The following COL4A2 variants were observed in gnomAD, a reference collection of about 807,000 sequenced individuals.
The protein encoded by COL4A2 is collagen alpha-2(IV) chain.
Under a neutral mutation model 200.2 loss-of-function variants are expected in COL4A2, and 99 were observed. The observed-to-expected ratio is 0.49, with a 90% confidence interval of 0.42 to 0.58. COL4A2 has a LOEUF of 0.58. COL4A2 is among the 20% of genes least tolerant of loss of function. The pLI is 0.00. For missense variants in COL4A2, 1,950 were observed against 2,314.1 expected, an observed-to-expected ratio of 0.84 and a Z score of 3.23; for synonymous variants, 897 against 900.6, an observed-to-expected ratio of 1.00 and a Z score of 0.07.
intron 20 of COL4A2, among the ~76,000 whole-genome samples, chr13:110,455,362 C>T (rs1186080082): frequency 6.6e-6 from 1 of 152,134 alleles, no homozygotes; most frequent in East Asian, 1.9e-4. Flanking sequence ...CCTCCCGCTC[C>T]CCACTTCAGG....
At position 110,318,184 on chromosome 13, in the gene COL4A2, G is replaced by A. The variant is rs557315374; in HGVS notation, c.99+10061G>A. 5.9e-5 allele frequency among the ~76,000 whole-genome samples: 9 copies of A among 152,234 alleles called. No homozygotes were observed. In the South Asian group the frequency reaches 8.3e-4, roughly 14 times the overall value. On this transcript the variant is annotated intron_variant, in intron 3 of 47. Coordinates refer to ENST00000360467, the MANE Select transcript of COL4A2 (RefSeq NM_001846.4). ...CCAGGGTCTCATGTATGTGACATTC[G>A]TTCATTAAATGAACATGTCTGATGC...
At chr13:110,467,143 T>C in intron 27 of COL4A2, 47 bp downstream of exon 27, 1 of 1,611,454 alleles carries the variant, frequency 6.2e-7, no homozygotes, top group Non-Finnish European at 8.5e-7. Context: ...TCCTCCCACA[T>C]CTTCACACTG....
At chr13:110,402,257 A>G (rs749774589) in intron 4 of COL4A2, among the ~76,000 whole-genome samples, 1 of 152,230 alleles carries the variant, frequency 6.6e-6, no homozygotes, top group African/African-American at 2.4e-5. Flanking sequence ...GTATGAGCCT[A>G]TGAAATCAAA....
At position 110,503,450 on chromosome 13, in the gene COL4A2, C is replaced by A. The variant is rs748370616; in HGVS notation, c.4107C>A (p.Pro1369=). 1 of 1,573,160 alleles carries A rather than the reference C, an allele frequency of 6.4e-7. No individual in the cohort carries two copies. Among genetic ancestry groups the A allele is most frequent in the East Asian group, 2.3e-5 (1 of 42,984 alleles). Residue 1369 remains proline (P), a synonymous_variant, in exon 43 of 48, where the codon CCC becomes CCA. Coordinates refer to ENST00000360467, the MANE Select transcript of COL4A2 (RefSeq NM_001846.4). The part of the protein sequence containing the change: ...GPTGAVGDRG[P]KGPKGDPGFP... ...CTGGGGCGGTGGGCGACAGAGGCCC[C>A]AAGGGACCCAAGGGAGACCCAGGAT...
intron 24 of COL4A2, among the ~76,000 whole-genome samples, chr13:110,463,496 G>T (rs1188673759): frequency 2.6e-5 from 4 of 152,178 alleles, no homozygotes; most frequent in African/African-American, 4.8e-5. Flanking sequence ...CCTCACGCCT[G>T]AATTCTATTC....
chr13:110,323,358 G>T (rs1885324958), intron 3 of COL4A2, among the ~76,000 whole-genome samples: 1 of 152,220 alleles, frequency 6.6e-6, no homozygotes, highest in Admixed American at 6.5e-5. Context: ...TCCACAGGCA[G>T]TTCCTTGCCT....
At chr13:110,472,891 T>G (rs1341485852) in intron 28 of COL4A2, 38 bp from the exon 29 acceptor site, 1 of 1,535,346 alleles carries the variant, frequency 6.5e-7, no homozygotes, top group Non-Finnish European at 8.8e-7. Flanking sequence ...GTCACCATGC[T>G]AACTTGTGGT....
chr13:110,458,534 T>C (rs1250907883), intron 21 of COL4A2, among the ~76,000 whole-genome samples: 2 of 152,204 alleles, frequency 1.3e-5, no homozygotes, highest in African/African-American at 2.4e-5. Flanking sequence ...TAAGTATCTT[T>C]AGTAAACATC....
In COL4A2 at chr13:110,512,199, C is replaced by T. The variant is rs201351699; in HGVS notation, c.*8C>T. On this transcript the variant is annotated 3_prime_UTR_variant, in exon 48 of 48. Coordinates refer to ENST00000360467, the MANE Select transcript of COL4A2 (RefSeq NM_001846.4). ...TGCATGAAGAACCTGTGAGCCGGCG[C>T]GTGCCAGGAAGGGCCATTTTGGTGC... 5.2e-5 allele frequency: 83 copies of T among 1,607,650 alleles called. No homozygotes were observed. Among genetic ancestry groups the T allele is most frequent in the Middle Eastern group, 1.7e-4 (1 of 6,040 alleles).
intron 47 of COL4A2, among the ~76,000 whole-genome samples, chr13:110,509,268 TATACAC>T (rs1298862674): frequency 8.6e-4 from 104 of 120,582 alleles, no homozygotes; most frequent in Non-Finnish European, 1.3e-3. Flanking sequence ...TATATATATA[TATACAC>T]ACACACACAC....
At chr13:110,326,695 T>C (rs1172802898) in intron 3 of COL4A2, among the ~76,000 whole-genome samples, 1 of 152,174 alleles carries the variant, frequency 6.6e-6, no homozygotes, top group Non-Finnish European at 1.5e-5. Flanking sequence ...CCTGTCTGGC[T>C]GCCTCATCAG....
chr13:110,463,998 G>A (rs1389548720), intron 24 of COL4A2, among the ~76,000 whole-genome samples: 1 of 152,224 alleles, frequency 6.6e-6, no homozygotes, highest in Non-Finnish European at 1.5e-5. Flanking sequence ...GATGATTCCT[G>A]TGGTTGGAAC....
intron 3 of COL4A2, among the ~76,000 whole-genome samples, chr13:110,321,588 T>C (rs1243759002): frequency 6.6e-6 from 1 of 152,218 alleles, no homozygotes; most frequent in African/African-American, 2.4e-5. Flanking sequence ...TGTTTGTCCT[T>C]TTGTGACTGG....
At chr13:110,338,774 T>C (rs970202081) in intron 3 of COL4A2, among the ~76,000 whole-genome samples, 1 of 152,248 alleles carries the variant, frequency 6.6e-6, no homozygotes, top group African/African-American at 2.4e-5. Context: ...AAAAAATGTC[T>C]GGCTGCTCTT....
rs1884799445 is a variant in COL4A2, at chr13:110,307,351, A to G, written c.-222A>G. ...CGCACTCAAGAGGCTCCCGCGTCCC[A>G]ACCCCTCGCGCCCGCGCGTTCGCGG... is the stretch of plus-strand genomic sequence containing the variant. On this transcript the variant is annotated 5_prime_UTR_variant, in exon 1 of 48. Coordinates refer to ENST00000360467, the MANE Select transcript of COL4A2 (RefSeq NM_001846.4). The surrounding 1 kb of genome is among the most constrained non-coding windows in gnomAD (Gnocchi z 5.0). 1 of 277,954 alleles carries G rather than the reference A, an allele frequency of 3.6e-6. No individual in the cohort carries two copies. Among genetic ancestry groups the G allele is most frequent in the South Asian group, 1.4e-4 (1 of 7,150 alleles). 17.2% of individuals were successfully genotyped at this position (277,954 alleles called of 1,614,324 possible). A position where few individuals can be genotyped will look rare whatever the true frequency, so the allele number is the denominator to read the frequency against.
intron 3 of COL4A2, among the ~76,000 whole-genome samples, chr13:110,324,823 A>C (rs1372860469): frequency 2.0e-5 from 3 of 152,240 alleles, no homozygotes; most frequent in African/African-American, 7.2e-5. Context: ...GCCAATCTTT[A>C]AAACGTGGTG....
At chr13:110,509,337 AAAC>A (rs1196095225) in intron 47 of COL4A2, among the ~76,000 whole-genome samples, 2 of 150,284 alleles carry the variant, frequency 1.3e-5, no homozygotes, top group Non-Finnish European at 3.0e-5. Context: ...TAATCTTTCA[AAAC>A]AACAGGAAAA....
intron 24 of COL4A2, among the ~76,000 whole-genome samples, chr13:110,463,492 G>A (rs368846597): frequency 1.1e-4 from 16 of 152,268 alleles, no homozygotes; most frequent in East Asian, 3.9e-4. Context: ...AGAGCCTCAC[G>A]CCTGAATTCT....
intron 32 of COL4A2, among the ~76,000 whole-genome samples, chr13:110,483,724 G>A (rs1291097167): frequency 7.6e-6 from 1 of 132,218 alleles, no homozygotes; most frequent in Admixed American, 7.0e-5. Flanking sequence ...AAAAGGCCGA[G>A]AAGCGATGGA....
Sources: allele counts gnomAD v4.1 joint callset (sites outside exome capture counted in the v4.1 genomes callset), GRCh38; gene constraint gnomAD v4.1.1; non-coding constraint Gnocchi (gnomAD v3.1); transcripts MANE v1.5; gene names NCBI Gene and HGNC (gene_info 2026-07-23, HGNC 2026-07-21).